The following TTN variants were observed in gnomAD, a reference collection of about 807,000 sequenced individuals.
TTN encodes the protein connectin.
TTN carries 1,525 observed loss-of-function variants against 3,223.0 expected under a neutral mutation model. The ratio of observed to expected loss-of-function variants is 0.47; its 90% CI spans 0.45 to 0.49. The LOEUF (loss-of-function observed/expected upper bound fraction) is 0.49. Among genes scored for constraint, TTN ranks in the 20% least tolerant of loss-of-function variants. The pLI, the probability that TTN is intolerant of heterozygous loss-of-function variation, is 0.00. For missense variants in TTN, 40,786 were observed against 43,424.0 expected, an observed-to-expected ratio of 0.94 and a Z score of 5.40; for synonymous variants, 14,094 against 15,161.0, an observed-to-expected ratio of 0.93 and a Z score of 5.17.
intron 165 of TTN, 73 bp downstream of exon 165, chr2:178,665,304 T>G: frequency 7.4e-7 from 1 of 1,354,406 alleles, no homozygotes; most frequent in Non-Finnish European, 1.1e-6. Context: ...TGAAGAGTAT[T>G]AGGAAGAAAC....
At chr2:178,694,731 A>G (rs2154281928) in intron 116 of TTN, 55 bp from the exon 117 acceptor site, 1 of 1,508,480 alleles carries the variant, frequency 6.6e-7, no homozygotes, top group East Asian at 2.5e-5. Flanking sequence ...CTTTGCACAA[A>G]ATTTAAAAGT....
intron 133 of TTN, among the ~76,000 whole-genome samples, chr2:178,683,528 A>G (rs1162767835): frequency 6.6e-6 from 1 of 152,140 alleles, no homozygotes. Context: ...ATAAAAGTTT[A>G]AAAAGACAAC....
rs2093407447 is a variant in TTN, at chr2:178,790,053, T to G, written c.1863A>C (p.Lys621Asn). The G allele has an allele frequency of 1.2e-6, 2 of 1,613,194 alleles. No individual in the cohort carries two copies. The highest frequency in any genetic ancestry group is 3.3e-5 in the Admixed American group (2 of 59,992). The change falls in exon 12 of 363, where the codon AAA becomes AAC. Residue 621 changes from lysine to asparagine, a missense_variant. Lys to Asn is a moderately conservative substitution (Grantham distance 94). Transcript: ENST00000589042. Reference protein sequence around the residue: ...PKVIVATPKVKEQDLVSRGRE... With the variant: ...PKVIVATPKVNEQDLVSRGRE... ...TACCTCTTGATACTAAATCTTGTTC[T>G]TTGACTTTGGGTGTGGCAACTATGA...
intron 43 of TTN, among the ~76,000 whole-genome samples, chr2:178,761,371 C>A (rs1181508998): frequency 6.6e-6 from 1 of 152,144 alleles, no homozygotes; most frequent in Non-Finnish European, 1.5e-5. Context: ...AGATCAATTC[C>A]AAAATCTTCA....
At chr2:178,732,012 G>A in intron 57 of TTN, 41 bp from the exon 58 acceptor site, 3 of 1,590,810 alleles carry the variant, frequency 1.9e-6, no homozygotes, top group South Asian at 2.3e-5. Context: ...GGGAGGAGGG[G>A]TCTGTGCCAT....
chr2:178,753,212 G>T, intron 46 of TTN, 32 bp from the exon 47 acceptor site: 1 of 1,509,056 alleles, frequency 6.6e-7, no homozygotes, highest in Non-Finnish European at 9.2e-7. Flanking sequence ...AGAGATTTTA[G>T]TGATTAATTG....
chr2:178,573,958 A>G lies in TTN; in HGVS notation c.72174T>C (p.Pro24058=), dbSNP rs886042700. ...CATCTTTGCTCCATTCCATTGTTGG[A>G]GGTGGGCGGCCTGAAACATCAGCTT... ...RLEADVSGRP[P]PTMEWSKDGK... Residue 24058 remains proline (P), a synonymous_variant, in exon 326 of 363, where the codon CCT becomes CCC. Coordinates refer to ENST00000589042, the MANE Select transcript of TTN (RefSeq NM_001267550.2). 3 of 1,613,222 alleles carry G rather than the reference A, an allele frequency of 1.9e-6. No homozygotes were observed. The highest frequency in any genetic ancestry group is 2.5e-6 in the Non-Finnish European group (3 of 1,179,580).
Position 178,586,718 on chromosome 2 carries a change from C to T in TTN, c.64183G>A (p.Gly21395Ser). ...GTGATGTAGCCATCGATTTTAGCACCTCCATCACGTAGGGGAGGTAACCAG... is the reference window on the plus strand; with the variant it reads ...GTGATGTAGCCATCGATTTTAGCACTTCCATCACGTAGGGGAGGTAACCAG... ...LAWLPPLRDG[G>S]AKIDGYITSY... Residue 21395 changes from glycine (G) to serine (S), a missense_variant, in exon 308 of 363, where the codon GGT becomes AGT. By Grantham distance (56) the Gly-to-Ser change is moderately conservative (BLOSUM62 0). Coordinates refer to ENST00000589042, the MANE Select transcript of TTN (RefSeq NM_001267550.2). 1 of 1,613,150 alleles carries T rather than the reference C, an allele frequency of 6.2e-7. No homozygotes were observed. The highest frequency in any genetic ancestry group is 8.5e-7 in the Non-Finnish European group (1 of 1,179,370).
chr2:178,769,970 T>C, intron 36 of TTN, 31 bp from the exon 37 acceptor site: 2 of 1,614,122 alleles, frequency 1.2e-6, no homozygotes, highest in Non-Finnish European at 1.7e-6. Flanking sequence ...CTTCAGTTAA[T>C]ACAATTTGTT....
At position 178,531,931 on chromosome 2, in the gene TTN, G is replaced by A. The variant is rs1689293645; in HGVS notation, c.104684C>T (p.Ser34895Leu). 1.2e-6 allele frequency: 2 copies of A among 1,613,240 alleles called. No individual in the cohort carries two copies. Among genetic ancestry groups the A allele is most frequent in the Non-Finnish European group, 1.7e-6 (2 of 1,179,560 alleles). The change falls in exon 358 of 363, where the codon TCA becomes TTA. Residue 34895 changes from serine (S) to leucine (L), a missense_variant. Physicochemically the swap from Ser to Leu is moderately radical, Grantham distance 145. Transcript: ENST00000589042. ...RSPSPVSSERSLSRFERSARF... is the reference protein window; with the variant it reads ...RSPSPVSSERLLSRFERSARF... ...TGCAGACCTCTCAAATCTCGAGAGT[G>A]ATCTCTCACTAGACACAGGGCTGGG...
At chr2:178,770,962 A>G (rs1417111260) in intron 34 of TTN, among the ~76,000 whole-genome samples, 2 of 152,226 alleles carry the variant, frequency 1.3e-5, no homozygotes, top group African/African-American at 4.8e-5. Context: ...TGAAAGACGA[A>G]TGGAGAATCA....
chr2:178,612,683 T>C, intron 265 of TTN, 90 bp downstream of exon 265: 1 of 1,530,840 alleles, frequency 6.5e-7, no homozygotes, highest in African/African-American at 1.4e-5. Context: ...GAGGAAATAA[T>C]AGTAATGAAT....
intron 114 of TTN, 137 bp downstream of exon 114, chr2:178,695,728 A>G: frequency 1.4e-6 from 1 of 738,220 alleles, no homozygotes; most frequent in Non-Finnish European, 2.0e-6. Flanking sequence ...CTTTTAAAAG[A>G]TTTCTAACCT....
intron 43 of TTN, among the ~76,000 whole-genome samples, chr2:178,762,322 T>G (rs1164542401): frequency 6.6e-6 from 1 of 152,198 alleles, no homozygotes; most frequent in East Asian, 1.9e-4. Flanking sequence ...TGTACAGATA[T>G]TACCACACAT....
Position 178,591,409 on chromosome 2 carries a change from G to T in TTN, c.60316C>A (p.Pro20106Thr), listed in dbSNP as rs1576103220. The part of the protein sequence containing the change: ...VRFPAIIRGV[P>T]VPTAKWTTDG... ...GTTGTCCACTTTGCAGTAGGAACAGGCACACCTCTTATAATAGCAGGGAAT... is the reference window on the plus strand; with the variant it reads ...GTTGTCCACTTTGCAGTAGGAACAGTCACACCTCTTATAATAGCAGGGAAT... The change falls in exon 304 of 363, where the codon CCT (proline) becomes ACT (threonine). Residue 20106 changes from proline to threonine, a missense_variant. Physicochemically the swap from Pro to Thr is conservative, Grantham distance 38 (BLOSUM62 -1). Coordinates refer to ENST00000589042, the MANE Select transcript of TTN (RefSeq NM_001267550.2). 1 of 1,611,352 alleles carries T rather than the reference G, an allele frequency of 6.2e-7. No individual in the cohort carries two copies. The highest frequency in any genetic ancestry group is 8.5e-7 in the Non-Finnish European group (1 of 1,178,726).
chr2:178,691,145 G>T (rs1464670800), intron 121 of TTN, among the ~76,000 whole-genome samples: 1 of 152,120 alleles, frequency 6.6e-6, no homozygotes, highest in Non-Finnish European at 1.5e-5. Context: ...GATTCAGGAA[G>T]AAAATAGAAA....
In TTN at chr2:178,536,924, C is replaced by T. The variant is rs1691838768; in HGVS notation, c.100171+14G>A. 3.2e-6 allele frequency: 5 copies of T among 1,559,074 alleles called. No individual in the cohort carries two copies. The highest frequency in any genetic ancestry group is 4.4e-6 in the Non-Finnish European group (5 of 1,149,396). On this transcript the variant is annotated intron_variant, in intron 356 of 362. Transcript: ENST00000589042. Reference sequence around the variant, plus strand: ...CTTTACCATAGGAAGATACAGAAATCAAGTTGTACTCACCAAATGGACTCT... The same window carrying T: ...CTTTACCATAGGAAGATACAGAAATTAAGTTGTACTCACCAAATGGACTCT...
At position 178,609,392 on chromosome 2, in the gene TTN, A is replaced by G; in HGVS notation, c.51918T>C (p.Gly17306=). The change falls in exon 273 of 363, where the codon GGT becomes GGC. Residue 17306 remains glycine (G), a synonymous_variant. Transcript: ENST00000589042. The part of the protein sequence containing the change: ...RAAPLVRRRK[G]EVQEEEPFVL... ...CAAATGGTTCTTCTTCTTGAACTTC[A>G]CCCTTCCTTCTCCTAACCAAGGGTG... The G allele has an allele frequency of 6.2e-7, 1 of 1,612,050 alleles. No homozygotes were observed. The highest frequency in any genetic ancestry group is 8.5e-7 in the Non-Finnish European group (1 of 1,178,970).
Position 178,565,582 on chromosome 2 carries a change from C to A in TTN, c.80550G>T (p.Gln26850His), listed in dbSNP as rs1705482872. 6.2e-7 allele frequency: 1 copy of A among 1,613,510 alleles called. No individual in the cohort carries two copies. Among genetic ancestry groups the A allele is most frequent in the African/African-American group, 1.3e-5 (1 of 74,892 alleles). The change falls in exon 326 of 363, where the codon CAG (glutamine) becomes CAT (histidine). Residue 26850 changes from glutamine (Q) to histidine (H), a missense_variant. Gln to His is a conservative substitution (Grantham distance 24). Coordinates refer to ENST00000589042, the MANE Select transcript of TTN (RefSeq NM_001267550.2). ...VTGLSSGQEY[Q>H]FRVKAYNEKG... ...TCTCATTATAAGCCTTGACACGGAA[C>A]TGATATTCTTGTCCAGAACTCAAAC...
Sources: gnomAD v4.1 joint callset for allele counts (sites outside exome capture counted in the v4.1 genomes callset) on GRCh38, gnomAD v4.1.1 for gene constraint, MANE v1.5 for transcripts, NCBI Gene and HGNC (gene_info 2026-07-23, HGNC 2026-07-21) for gene names.